Variants in EIF4ENIF1 observed in about 807,000 individuals in gnomAD.
EIF4ENIF1 encodes eukaryotic translation initiation factor 4E transporter.
EIF4ENIF1 carries 23 observed loss-of-function variants against 110.5 expected under a neutral mutation model. The observed-to-expected ratio is 0.21, with a 90% CI of 0.15 to 0.29. The LOEUF is 0.29. Ranked by LOEUF, EIF4ENIF1 falls within the 10% of genes least tolerant of loss-of-function variation. The pLI, the probability that EIF4ENIF1 is intolerant of heterozygous loss-of-function variation, is 1.00. For missense variants in EIF4ENIF1, 1,031 were observed against 1,221.1 expected (o/e 0.84, Z 2.32); for synonymous variants, 440 against 437.0 (o/e 1.01, Z -0.09).
At chr22:31,469,719 TCA>T (rs1169123100) in intron 3 of EIF4ENIF1, among the ~76,000 whole-genome samples, 6 of 152,304 alleles carry the variant, frequency 3.9e-5, no homozygotes, top group South Asian at 2.1e-4. Context: ...AGACAGGGTC[TCA>T]GAGTTCTGTC....
At chr22:31,466,795 T>C (rs1260756178) in intron 4 of EIF4ENIF1, among the ~76,000 whole-genome samples, 2 of 152,126 alleles carry the variant, frequency 1.3e-5, no homozygotes, top group African/African-American at 2.4e-5. Context: ...TATATGTAAA[T>C]TCTATCTCAA....
chr22:31,448,495 T>G (rs2050547146), intron 12 of EIF4ENIF1, among the ~76,000 whole-genome samples: 1 of 152,192 alleles, frequency 6.6e-6, no homozygotes, highest in African/African-American at 2.4e-5. Context: ...AGAAGAGCTT[T>G]CCTAGCCAGC....
intron 4 of EIF4ENIF1, among the ~76,000 whole-genome samples, chr22:31,467,457 A>G (rs2051228076): frequency 6.6e-6 from 1 of 152,208 alleles, no homozygotes; most frequent in Admixed American, 6.5e-5. Context: ...GGAAAGTTGG[A>G]AGATCAGACT....
intron 10 of EIF4ENIF1, among the ~76,000 whole-genome samples, chr22:31,452,734 C>A (rs2050712213): frequency 6.6e-6 from 1 of 152,174 alleles, no homozygotes; most frequent in Admixed American, 6.5e-5. Context: ...CATTTGAAAG[C>A]ATTTGTATCT....
At chr22:31,446,893 G>A in intron 14 of EIF4ENIF1, 1 of 364,394 alleles carries the variant, frequency 2.7e-6, no homozygotes, top group South Asian at 2.1e-5. Flanking sequence ...AAAAAGAGAA[G>A]AGTGAACTCA....
At position 31,442,978 on chromosome 22, in the gene EIF4ENIF1, A is replaced by G; in HGVS notation, c.2190T>C (p.Thr730=). ...CTGCAGTACCTTCACTGGCCTTCTG[A>G]GTATCCTCTTTACTGTCACCAAGAG... The part of the protein sequence containing the change: ...KAALGDSKED[T]QKASEENLLS... The change falls in exon 16 of 19, where the codon ACT becomes ACC. Residue 730 remains threonine (T), a synonymous_variant. Coordinates refer to ENST00000330125, the MANE Select transcript of EIF4ENIF1 (RefSeq NM_019843.4). 1 of 1,613,990 alleles carries G rather than the reference A, an allele frequency of 6.2e-7. No individual in the cohort carries two copies.
rs140006340 is a variant in EIF4ENIF1 at position 31,473,429 on chromosome 22, A to G, written c.97-1512T>C. ...TTCCAGTTTTGTAAATTGACCCAGTAATGTCCTTTATATTGATCTTCCCCC... is the reference window on the plus strand; with the variant it reads ...TTCCAGTTTTGTAAATTGACCCAGTGATGTCCTTTATATTGATCTTCCCCC... On this transcript the variant is annotated intron_variant, in intron 2 of 18. Transcript: ENST00000330125. Among the ~76,000 whole-genome samples, 3 of 152,216 alleles carry G rather than the reference A, an allele frequency of 2.0e-5. No homozygotes were observed. In the East Asian group the frequency reaches 5.8e-4, roughly 29 times the overall value.
At chr22:31,450,252 C>T in intron 11 of EIF4ENIF1, 37 bp downstream of exon 11, 1 of 1,579,722 alleles carries the variant, frequency 6.3e-7, no homozygotes, top group Non-Finnish European at 8.7e-7. Context: ...GACTACTGTT[C>T]AAGACTCCAA....
At chr22:31,472,412 G>A (rs1003543989) in intron 2 of EIF4ENIF1, among the ~76,000 whole-genome samples, 2 of 152,006 alleles carry the variant, frequency 1.3e-5, no homozygotes, top group Admixed American at 6.6e-5. Context: ...GGAATTACAG[G>A]CACACGCCAC....
chr22:31,458,650 C>G lies in EIF4ENIF1; in HGVS notation c.788G>C (p.Gly263Ala), dbSNP rs753747701. ...TRRRTASVKEGIVECNGGVAE... is the reference protein window; with the variant it reads ...TRRRTASVKEAIVECNGGVAE... Reference sequence around the variant, plus strand: ...CACTCCTCCATTGCACTCTACTATACCTGAAAGCAAAACCAGGACAAAAAC... The same window carrying G: ...CACTCCTCCATTGCACTCTACTATAGCTGAAAGCAAAACCAGGACAAAAAC... Residue 263 changes from glycine to alanine, a missense_variant and splice_region_variant, in exon 7 of 19, where the codon GGT (glycine) becomes GCT (alanine). By Grantham distance (60) the Gly-to-Ala change is moderately conservative. This residue lies in a region of EIF4ENIF1 where 704 missense variants were observed against 879.7 expected (regional missense o/e 0.80). Transcript: ENST00000330125. The G allele has an allele frequency of 1.9e-6, 3 of 1,574,238 alleles. No individual in the cohort carries two copies. Among genetic ancestry groups the G allele is most frequent in the Non-Finnish European group, 2.6e-6 (3 of 1,156,778 alleles).
In EIF4ENIF1 at chr22:31,463,747, G is replaced by A. The variant is rs747702896; in HGVS notation, c.519C>T (p.Ser173=). Residue 173 remains serine, a synonymous_variant, in exon 5 of 19, where the codon AGC becomes AGT. Coordinates refer to ENST00000330125, the MANE Select transcript of EIF4ENIF1 (RefSeq NM_019843.4). ...CTCTCAAGTCCCGCAGGTCCTTATC[G>A]CTAAGACGGTGATCCTTCTCAAAGG... is the stretch of plus-strand genomic sequence containing the variant. ...ARTFEKDHRL[S]DKDLRDLRDR... The A allele has an allele frequency of 2.0e-5, 32 of 1,612,166 alleles. No homozygotes were observed. Among genetic ancestry groups the A allele is most frequent in the African/African-American group, 4.0e-5 (3 of 74,236 alleles).
chr22:31,440,057 G>A lies in EIF4ENIF1; in HGVS notation c.2781C>T (p.Asn927=), dbSNP rs771794992. The A allele has an allele frequency of 5.0e-5, 81 of 1,613,998 alleles. No homozygotes were observed. The highest frequency in any genetic ancestry group is 7.7e-5 in the South Asian group (7 of 91,082). The change falls in exon 19 of 19, where the codon AAC becomes AAT. Residue 927 remains asparagine, a synonymous_variant. Transcript: ENST00000330125. ...AAVSVQTTPQ[N]VPSRSGLPHM... is the part of the protein sequence containing the mutation. ...GGGGCAGGCCTGACCGGCTGGGCAC[G>A]TTCTGAGGGGTTGTCTGAACGCTGA... is the stretch of plus-strand genomic sequence containing the variant.
At chr22:31,460,408 T>TGGATCATGAGGTCAGGA (rs1375717715) in intron 6 of EIF4ENIF1, among the ~76,000 whole-genome samples, 14 of 151,754 alleles carry the variant, frequency 9.2e-5, no homozygotes, top group Admixed American at 2.0e-4. Context: ...CTGAGGCAGG[T>TGGATCATGAGGTCAGGA]GGATCATGAG....
chr22:31,438,847 C>T (rs957956553), downstream of EIF4ENIF1, among the ~76,000 whole-genome samples: 2 of 151,982 alleles, frequency 1.3e-5, no homozygotes, highest in Non-Finnish European at 1.5e-5. Context: ...CTCAGCCTCC[C>T]GAGTAGCTGG....
rs2052129467 is a variant in EIF4ENIF1, at chr22:31,488,509, G to C, written c.96+114C>G. 1.9e-5 allele frequency: 28 copies of C among 1,437,576 alleles called. No homozygotes were observed. The South Asian group carries it at 2.7e-4, about 14-fold the overall frequency. The allele number at this position is 1,437,576 out of a possible 1,614,324, so 89.1% of individuals were successfully genotyped here. On this transcript the variant is annotated intron_variant, in intron 2 of 18. Transcript: ENST00000330125. Reference sequence around the variant, plus strand: ...CACTACTAAATTTAGTTAATATTTAGTCCATGTAGTGAGTCAGAATGAGAT... The same window carrying C: ...CACTACTAAATTTAGTTAATATTTACTCCATGTAGTGAGTCAGAATGAGAT...
chr22:31,452,371 G>A (rs1439695242), intron 10 of EIF4ENIF1, among the ~76,000 whole-genome samples: 1 of 152,148 alleles, frequency 6.6e-6, no homozygotes, highest in Non-Finnish European at 1.5e-5. Context: ...CTTAGCCTTT[G>A]CCTAGCCACT....
rs763606410 is a variant in EIF4ENIF1, at chr22:31,442,979, G to A, written c.2189C>T (p.Thr730Ile). 13 of 1,614,046 alleles carry A rather than the reference G, an allele frequency of 8.1e-6. No homozygotes were observed. Among genetic ancestry groups the A allele is most frequent in the South Asian group, 3.3e-5 (3 of 91,070 alleles). Reference protein sequence around the residue: ...KAALGDSKEDTQKASEENLLS... With the variant: ...KAALGDSKEDIQKASEENLLS... ...TGCAGTACCTTCACTGGCCTTCTGA[G>A]TATCCTCTTTACTGTCACCAAGAGC... The change falls in exon 16 of 19, where the codon ACT becomes ATT. Residue 730 changes from threonine (T) to isoleucine (I), a missense_variant. Around this residue, in one of 3 missense-constraint regions of EIF4ENIF1, gnomAD observed 309 missense variants for 299.1 expected, o/e 1.03. Coordinates refer to ENST00000330125, the MANE Select transcript of EIF4ENIF1 (RefSeq NM_019843.4).
intron 2 of EIF4ENIF1, among the ~76,000 whole-genome samples, chr22:31,472,813 A>G (rs2060067893): frequency 6.6e-6 from 1 of 152,078 alleles, no homozygotes; most frequent in Non-Finnish European, 1.5e-5. Flanking sequence ...TATCCTTCCT[A>G]TGTTTTGGAG....
rs778296322 is a variant in EIF4ENIF1, at chr22:31,439,864, A to G, written c.*16T>C. ...GCCACCACAGGTCCGGGCTTAGTTGAGTCTGCCTGCCCTGCTCACTGTCGG... is the reference window on the plus strand; with the variant it reads ...GCCACCACAGGTCCGGGCTTAGTTGGGTCTGCCTGCCCTGCTCACTGTCGG... On this transcript the variant is annotated 3_prime_UTR_variant, in exon 19 of 19. Coordinates refer to ENST00000330125, the MANE Select transcript of EIF4ENIF1 (RefSeq NM_019843.4). 1 of 1,610,740 alleles carries G rather than the reference A, an allele frequency of 6.2e-7. No homozygotes were observed. The highest frequency in any genetic ancestry group is 8.5e-7 in the Non-Finnish European group (1 of 1,179,862).
Sources: gnomAD v4.1 joint callset for allele counts (sites outside exome capture counted in the v4.1 genomes callset) on GRCh38, gnomAD v4.1.1 for gene constraint, gnomAD v4.1.1 regional missense constraint, MANE v1.5 for transcripts, NCBI Gene and HGNC (gene_info 2026-07-23, HGNC 2026-07-21) for gene names.